Variants in ACBD6 observed in about 807,000 individuals in gnomAD.
ACBD6 encodes the protein acyl-CoA-binding domain-containing protein 6.
ACBD6 carries 28 observed loss-of-function variants against 37.2 expected under a neutral mutation model. The ratio of observed to expected loss-of-function variants is 0.75; its 90% CI spans 0.56 to 1.03. The LOEUF (loss-of-function observed/expected upper bound fraction) is 1.03, where lower values mean the gene tolerates loss of function less well. Ranked by LOEUF, ACBD6 falls within the 50% of genes least tolerant of loss-of-function variation. The pLI is 0.00. For missense variants in ACBD6, 340 were observed against 337.4 expected (o/e 1.01, Z -0.06); for synonymous variants, 113 against 126.8 (o/e 0.89, Z 0.73).
chr1:180,435,035 C>CA, intron 3 of ACBD6: 1 of 957,736 alleles, frequency 1.0e-6, no homozygotes, highest in Non-Finnish European at 1.7e-6. Context: ...ATACACTAGG[C>CA]ACCGAGATTA....
intron 3 of ACBD6, among the ~76,000 whole-genome samples, chr1:180,433,275 A>G (rs1245351732): frequency 6.6e-6 from 1 of 152,342 alleles, no homozygotes; most frequent in South Asian, 2.1e-4. Flanking sequence ...TATTAATACA[A>G]TGAAGGACAA....
At chr1:180,413,185 A>T (rs1647931085) in intron 5 of ACBD6, among the ~76,000 whole-genome samples, 181 bp downstream of exon 5, 1 of 152,218 alleles carries the variant, frequency 6.6e-6, no homozygotes, top group Admixed American at 6.5e-5. Flanking sequence ...AGATAAAAAT[A>T]TGTTGGACAT....
intron 5 of ACBD6, among the ~76,000 whole-genome samples, chr1:180,400,572 G>T (rs545455652): frequency 6.6e-6 from 1 of 151,984 alleles, no homozygotes; most frequent in African/African-American, 2.4e-5. Context: ...AACAAATCAG[G>T]CTTTGGAATT....
chr1:180,343,620 CCTT>C (rs1652062600), intron 6 of ACBD6, among the ~76,000 whole-genome samples: 1 of 152,170 alleles, frequency 6.6e-6, no homozygotes, highest in African/African-American at 2.4e-5. Context: ...CCCACGACCT[CCTT>C]CATCTTTTAA....
intron 3 of ACBD6, among the ~76,000 whole-genome samples, chr1:180,484,301 A>G (rs1651171906): frequency 6.6e-6 from 1 of 152,240 alleles, no homozygotes. Context: ...AACTCATTGA[A>G]TTACACACTT....
intron 3 of ACBD6, chr1:180,435,447 G>A: frequency 2.2e-6 from 1 of 457,202 alleles, no homozygotes; most frequent in South Asian, 2.6e-5. Context: ...TAGAGACGGG[G>A]TTTCACCGTT....
intron 3 of ACBD6, among the ~76,000 whole-genome samples, chr1:180,445,041 G>A (rs1275332184): frequency 1.3e-5 from 2 of 152,048 alleles, no homozygotes; most frequent in Non-Finnish European, 2.9e-5. Flanking sequence ...TAGAATGCTG[G>A]GAAAATTAAT....
intron 3 of ACBD6, among the ~76,000 whole-genome samples, chr1:180,441,814 G>C (rs1445130263): frequency 6.6e-6 from 1 of 152,094 alleles, no homozygotes; most frequent in Non-Finnish European, 1.5e-5. Flanking sequence ...TACTGTGTAG[G>C]ATCATGTCAC....
chr1:180,300,393 T>C (rs1018115987), intron 7 of ACBD6, among the ~76,000 whole-genome samples: 1 of 151,716 alleles, frequency 6.6e-6, no homozygotes, highest in Non-Finnish European at 1.5e-5. Flanking sequence ...AATAAATCAT[T>C]ATTATTATTA....
intron 6 of ACBD6, among the ~76,000 whole-genome samples, chr1:180,355,773 T>C (rs574471070): frequency 1.3e-5 from 2 of 152,340 alleles, no homozygotes; most frequent in South Asian, 4.1e-4. Context: ...CACTACTCTG[T>C]TTAAAACTTT....
intron 7 of ACBD6, among the ~76,000 whole-genome samples, chr1:180,302,343 A>G (rs1260537205): frequency 1.3e-5 from 2 of 152,018 alleles, no homozygotes; most frequent in Admixed American, 6.6e-5. Context: ...GGAATCTCCA[A>G]AATATTTTCC....
intron 6 of ACBD6, among the ~76,000 whole-genome samples, chr1:180,358,468 C>T (rs1264668934): frequency 6.7e-6 from 1 of 150,292 alleles, no homozygotes; most frequent in Non-Finnish European, 1.5e-5. Flanking sequence ...AACCTCACAG[C>T]ATTTTAGCAT....
At chr1:180,433,090 C>T (rs939766875) in intron 3 of ACBD6, among the ~76,000 whole-genome samples, 1 of 152,104 alleles carries the variant, frequency 6.6e-6, no homozygotes, top group African/African-American at 2.4e-5. Context: ...GCCAAAACTA[C>T]TGCAAGAAAA....
intron 6 of ACBD6, among the ~76,000 whole-genome samples, chr1:180,389,716 T>C (rs1400824419): frequency 1.3e-5 from 2 of 152,248 alleles, no homozygotes; most frequent in African/African-American, 4.8e-5. Flanking sequence ...AGATGGTATC[T>C]CATTGTGGTT....
At chr1:180,419,599 C>T (rs1384598369) in intron 4 of ACBD6, among the ~76,000 whole-genome samples, 1 of 152,204 alleles carries the variant, frequency 6.6e-6, no homozygotes, top group East Asian at 1.9e-4. Flanking sequence ...TGTAACTCGA[C>T]TCCCCAAAAA....
At chr1:180,491,286 A>G (rs1299706629) in intron 3 of ACBD6, among the ~76,000 whole-genome samples, 10 of 152,146 alleles carry the variant, frequency 6.6e-5, no homozygotes, top group Non-Finnish European at 1.5e-4. Context: ...TTCAATTTGC[A>G]TTTTTTACAT....
chr1:180,372,330 TTAAA>T (rs1653292142), intron 6 of ACBD6, among the ~76,000 whole-genome samples: 1 of 152,124 alleles, frequency 6.6e-6, no homozygotes, highest in Non-Finnish European at 1.5e-5. Context: ...CTGAAGTAGA[TTAAA>T]TAAGTTACAG....
chr1:180,396,454 C>A (rs1005825824), intron 6 of ACBD6, among the ~76,000 whole-genome samples: 1 of 151,892 alleles, frequency 6.6e-6, no homozygotes, highest in Admixed American at 6.6e-5. Context: ...TGATAGAGTT[C>A]ATCAAAATTT....
intron 1 of ACBD6, among the ~76,000 whole-genome samples, chr1:180,496,021 T>A (rs572202780): frequency 3.5e-4 from 53 of 152,294 alleles, no homozygotes; most frequent in Non-Finnish European, 5.7e-4. Context: ...AAGTACCCTA[T>A]TATGAAATTC....
Sources: allele counts gnomAD v4.1 joint callset (sites outside exome capture counted in the v4.1 genomes callset), GRCh38; gene constraint gnomAD v4.1.1; transcripts MANE v1.5; gene names NCBI Gene and HGNC (gene_info 2026-07-23, HGNC 2026-07-21).